KIDINS220: variants seen among roughly 807,000 people sequenced by gnomAD.
KIDINS220 encodes kinase D interacting substrate 220.
Under a neutral mutation model 157.6 loss-of-function variants are expected in KIDINS220, and 63 were observed. The observed-to-expected ratio is 0.40, with a 90% confidence interval of 0.33 to 0.49. KIDINS220 has a LOEUF of 0.49. KIDINS220 is among the 20% of genes least tolerant of loss of function. The pLI is 0.66. For synonymous variants in KIDINS220, 732 were observed against 783.6 expected (o/e 0.93, Z 1.10); for missense variants, 1,772 against 2,171.2 (o/e 0.82, Z 3.65).
At chr2:8,834,079 C>T (rs1049477402) in intron 1 of KIDINS220, among the ~76,000 whole-genome samples, 1 of 152,112 alleles carries the variant, frequency 6.6e-6, no homozygotes, top group African/African-American at 2.4e-5. Context: ...TCTTCTCCTC[C>T]TCCCACTTAA....
chr2:8,826,958 GA>G (rs1448800183), intron 2 of KIDINS220, 27 bp downstream of exon 2: 17 of 1,261,556 alleles, frequency 1.3e-5, no homozygotes, highest in Non-Finnish European at 2.0e-5. Flanking sequence ...ATTTGTGAAA[GA>G]ATGTAATTTT....
rs748544323 is a variant in KIDINS220, at chr2:8,731,782, CATGTAAT to C, written c.4247_4253del (p.Tyr1416TrpfsTer14). The stretch of plus-strand genomic sequence containing the variant: ...TAGAGCCCCCTGATGAACTCTGACC[CATGTAAT>C]ATGTGCTATGTGGAGAAGATCTGCC... On this transcript the variant is annotated frameshift_variant, in exon 30 of 30. Transcript: ENST00000256707. LOFTEE classifies it low-confidence loss of function (END_TRUNC). The surrounding 1 kb of genome is among the most constrained non-coding windows in gnomAD (Gnocchi z 5.2). 1 of 1,614,114 alleles carries C rather than the reference CATGTAAT, an allele frequency of 6.2e-7. No homozygotes were observed. Among genetic ancestry groups the C allele is most frequent in the Non-Finnish European group, 8.5e-7 (1 of 1,180,020 alleles).
intron 26 of KIDINS220, among the ~76,000 whole-genome samples, chr2:8,737,817 G>A (rs1665091569): frequency 6.6e-6 from 1 of 152,206 alleles, no homozygotes; most frequent in Non-Finnish European, 1.5e-5. Context: ...GGACTTTAAA[G>A]TCACAGAACA....
At position 8,730,647 on chromosome 2, in the gene KIDINS220, G is replaced by T. The variant is rs554282123; in HGVS notation, c.*73C>A. On this transcript the variant is annotated 3_prime_UTR_variant, in exon 30 of 30. Coordinates refer to ENST00000256707, the MANE Select transcript of KIDINS220 (RefSeq NM_020738.4). ...AGCAAAATGTAGAAAGGTGATGGGC[G>T]TGGATGGAGTCAAAATCCAGGACAA... 5.2e-6 allele frequency: 8 copies of T among 1,528,482 alleles called. No individual in the cohort carries two copies. The highest frequency in any genetic ancestry group is 7.0e-6 in the Non-Finnish European group (8 of 1,145,662). The allele number at this position is 1,528,482 out of a possible 1,614,324, so 94.7% of individuals were successfully genotyped here.
At chr2:8,723,028 T>G (rs1246805254), downstream of KIDINS220, 1 of 152,220 alleles carries the variant, frequency 6.6e-6, no homozygotes, top group African/African-American at 2.4e-5. Flanking sequence ...TTAAGAGATG[T>G]CAACAACTCA....
chr2:8,727,575 A>C (rs971021816), downstream of KIDINS220, among the ~76,000 whole-genome samples: 1 of 152,214 alleles, frequency 6.6e-6, no homozygotes, highest in Non-Finnish European at 1.5e-5. Context: ...TTCCATTCAA[A>C]AAAATATCTT....
chr2:8,809,633 C>T (rs1013480944), intron 6 of KIDINS220, among the ~76,000 whole-genome samples: 7 of 151,450 alleles, frequency 4.6e-5, no homozygotes, highest in Admixed American at 1.3e-4. Context: ...CCTGGATCAC[C>T]GGCAACCCAA....
chr2:8,745,779 A>T (rs950637447), intron 26 of KIDINS220, among the ~76,000 whole-genome samples: 2 of 152,180 alleles, frequency 1.3e-5, no homozygotes, highest in African/African-American at 4.8e-5. Flanking sequence ...AGCCTGAGCA[A>T]AAGAGCGAAA....
intron 26 of KIDINS220, among the ~76,000 whole-genome samples, chr2:8,744,555 T>C (rs1212936889): frequency 6.6e-6 from 1 of 150,454 alleles, no homozygotes; most frequent in African/African-American, 2.5e-5. Flanking sequence ...TTTGTGTAGT[T>C]CTTGACTCTT....
chr2:8,744,412 A>C (rs1465275182), intron 26 of KIDINS220, among the ~76,000 whole-genome samples: 1 of 48,794 alleles, frequency 2.0e-5, no homozygotes, highest in Non-Finnish European at 4.7e-5. Flanking sequence ...ATATATATAT[A>C]TATATATATA....
chr2:8,750,709 T>C (rs76970670), intron 23 of KIDINS220, among the ~76,000 whole-genome samples: 1,640 of 152,318 alleles, frequency 0.011, 36 homozygotes, highest in African/African-American at 0.037. Context: ...ACACATATAA[T>C]GTTAGCAAAG....
Position 8,730,999 on chromosome 2 carries a change from A to G in KIDINS220, c.5037T>C (p.Thr1679=). The change falls in exon 30 of 30, where the codon ACT becomes ACC. Residue 1679 remains threonine (T), a synonymous_variant. Transcript: ENST00000256707. ...TGTTGTTCAGAGTCACGGTGCTGGG[A>G]GTTCGGTTCAGGTTGTAGGCTTTCT... ...ACQKAYNLNR[T]PSTVTLNNNS... is the part of the protein sequence containing the mutation. 1 of 1,614,038 alleles carries G rather than the reference A, an allele frequency of 6.2e-7. No individual in the cohort carries two copies. The highest frequency in any genetic ancestry group is 8.5e-7 in the Non-Finnish European group (1 of 1,180,020).
At chr2:8,806,227 A>G in intron 7 of KIDINS220, 44 bp downstream of exon 7, 1 of 1,398,766 alleles carries the variant, frequency 7.1e-7, no homozygotes, top group Non-Finnish European at 1.0e-6. Flanking sequence ...CTTAAAATAA[A>G]AAACATGTTT....
intron 22 of KIDINS220, among the ~76,000 whole-genome samples, chr2:8,770,248 TAAAAA>T (rs1670017402): frequency 6.6e-6 from 1 of 151,602 alleles, no homozygotes; most frequent in Non-Finnish European, 1.5e-5. Context: ...TACAAAAAAA[TAAAAA>T]GAAAGAGCCA....
chr2:8,759,237 C>T (rs573103515), intron 22 of KIDINS220, among the ~76,000 whole-genome samples: 42 of 152,154 alleles, frequency 2.8e-4, no homozygotes, highest in African/African-American at 9.9e-4. Flanking sequence ...ATGTGTTTGA[C>T]TTATGTGTTT....
At chr2:8,825,482 TTA>T (rs980654550) in intron 2 of KIDINS220, among the ~76,000 whole-genome samples, 23 of 151,916 alleles carry the variant, frequency 1.5e-4, no homozygotes, top group African/African-American at 5.3e-4. Flanking sequence ...ACAATAAATT[TTA>T]TGTTATGTGT....
At chr2:8,768,738 A>T (rs1202804753) in intron 22 of KIDINS220, among the ~76,000 whole-genome samples, 1 of 152,200 alleles carries the variant, frequency 6.6e-6, no homozygotes, top group African/African-American at 2.4e-5. Flanking sequence ...AAGCAATAGC[A>T]TCAAAGAACT....
chr2:8,747,116 C>T (rs773153607), intron 26 of KIDINS220, 29 bp downstream of exon 26: 23 of 1,599,946 alleles, frequency 1.4e-5, no homozygotes, highest in South Asian at 1.1e-4. Context: ...GAGATGCCAG[C>T]GATCCACACC....
intron 21 of KIDINS220, among the ~76,000 whole-genome samples, chr2:8,775,957 C>CAT (rs1243797260): frequency 6.6e-6 from 1 of 152,190 alleles, no homozygotes; most frequent in Non-Finnish European, 1.5e-5. Context: ...TGTTACCTGA[C>CAT]ATAAGGCAGA....
Sources: allele counts gnomAD v4.1 joint callset (sites outside exome capture counted in the v4.1 genomes callset), GRCh38; gene constraint gnomAD v4.1.1; non-coding constraint Gnocchi (gnomAD v3.1); transcripts MANE v1.5; gene names NCBI Gene and HGNC (gene_info 2026-07-23, HGNC 2026-07-21).